The following PRLR variants were observed in gnomAD, a reference collection of about 807,000 sequenced individuals.
PRLR encodes the protein hPRL receptor.
Under a neutral mutation model 40.2 loss-of-function variants are expected in PRLR, and 13 were observed. That is an observed-to-expected ratio of 0.32 (90% CI 0.21 to 0.51). The LOEUF is 0.51. PRLR is among the 20% of genes least tolerant of loss of function. PRLR has a pLI of 0.97. For synonymous variants in PRLR, 269 were observed against 278.7 expected, an observed-to-expected ratio of 0.97 and a Z score of 0.35; for missense variants, 656 against 747.3, an observed-to-expected ratio of 0.88 and a Z score of 1.42.
At chr5:35,151,696 A>G (rs1561335731) in intron 1 of PRLR, among the ~76,000 whole-genome samples, 1 of 152,216 alleles carries the variant, frequency 6.6e-6, no homozygotes, top group Non-Finnish European at 1.5e-5. Context: ...GGGTTCATGT[A>G]TAGGTGCTTT....
At chr5:35,072,311 T>C (rs1383006354) in intron 6 of PRLR, among the ~76,000 whole-genome samples, 1 of 152,118 alleles carries the variant, frequency 6.6e-6, no homozygotes, top group African/African-American at 2.4e-5. Context: ...AGGGTCTAGA[T>C]CTAAAATGTA....
intron 2 of PRLR, among the ~76,000 whole-genome samples, chr5:35,098,246 C>T (rs1771657988): frequency 6.6e-6 from 1 of 152,116 alleles, no homozygotes; most frequent in African/African-American, 2.4e-5. Flanking sequence ...TCTTAGGTCT[C>T]CTTGCTTTTG....
chr5:35,091,014 G>A (rs945903404), intron 2 of PRLR, among the ~76,000 whole-genome samples: 46 of 151,766 alleles, frequency 3.0e-4, no homozygotes, highest in African/African-American at 9.2e-4. Flanking sequence ...GGGTTTCACC[G>A]TGTTAGCCAG....
intron 1 of PRLR, among the ~76,000 whole-genome samples, chr5:35,207,285 CTT>C (rs998328970): frequency 8.6e-5 from 13 of 151,832 alleles, no homozygotes; most frequent in Non-Finnish European, 1.6e-4. Flanking sequence ...ACTATGAACA[CTT>C]ATAATTAATT....
chr5:35,054,113 T>C (rs1768608496), downstream of PRLR, among the ~76,000 whole-genome samples: 1 of 152,242 alleles, frequency 6.6e-6, no homozygotes. Context: ...CAATGCATCA[T>C]TTTATGCTCA....
At position 35,120,313 on chromosome 5, in the gene PRLR, C is replaced by A. The variant is rs529263554; in HGVS notation, c.-105-2191G>T. The stretch of plus-strand genomic sequence containing the variant: ...CTTCTTTATGCAGATAGGGGGGTGA[C>A]AAATTCCCTTGTTCTTCTAACCCTA... On this transcript the variant is annotated intron_variant, in intron 1 of 9. Coordinates refer to ENST00000618457, the MANE Select transcript of PRLR (RefSeq NM_000949.7). Among the ~76,000 whole-genome samples the A allele has an allele frequency of 2.0e-5, 3 of 152,252 alleles. No individual in the cohort carries two copies. The South Asian group carries it at 6.2e-4, about 32-fold the overall frequency.
intron 1 of PRLR, among the ~76,000 whole-genome samples, chr5:35,161,480 G>A (rs1015652052): frequency 6.6e-6 from 1 of 152,134 alleles, no homozygotes; most frequent in Non-Finnish European, 1.5e-5. Context: ...TGTTTTATGA[G>A]GCATCCTGAT....
At chr5:35,192,227 G>A (rs115487406) in intron 1 of PRLR, among the ~76,000 whole-genome samples, 4,198 of 152,228 alleles carry the variant, frequency 0.028, 83 homozygotes, top group Middle Eastern at 0.044. Context: ...ATGAGTGAAC[G>A]AATGACACAT....
At chr5:35,160,973 C>G (rs1225378310) in intron 1 of PRLR, among the ~76,000 whole-genome samples, 1 of 152,220 alleles carries the variant, frequency 6.6e-6, no homozygotes, top group Non-Finnish European at 1.5e-5. Flanking sequence ...GTCAGTTAAA[C>G]TCTTTACTGC....
intron 1 of PRLR, among the ~76,000 whole-genome samples, chr5:35,142,345 G>T (rs1345374422): frequency 6.6e-6 from 1 of 152,150 alleles, no homozygotes; most frequent in Non-Finnish European, 1.5e-5. Context: ...ATCACCTGGC[G>T]ATTTTAGATG....
In PRLR at chr5:35,065,587, A is replaced by G. The variant is rs1035195318; in HGVS notation, c.1371T>C (p.Asp457=). The G allele has an allele frequency of 2.5e-6, 4 of 1,613,968 alleles. No individual in the cohort carries two copies. In the East Asian group the frequency reaches 6.7e-5, roughly 27 times the overall value. ...PATLLNEAGK[D]ALKSSQTIKS... ...TAATGGTTTGAGAGGATTTTAAAGC[A>G]TCTTTACCTGCTTCATTCAACAGAG... The change falls in exon 10 of 10, where the codon GAT becomes GAC. Residue 457 remains aspartate (D), a synonymous_variant. Transcript: ENST00000618457.
intron 5 of PRLR, among the ~76,000 whole-genome samples, chr5:35,076,202 G>A (rs542559574): frequency 1.3e-3 from 193 of 152,348 alleles, no homozygotes; most frequent in African/African-American, 4.5e-3. Context: ...ACTTTGACGA[G>A]CTGAGAGAAG....
intron 2 of PRLR, among the ~76,000 whole-genome samples, chr5:35,103,986 G>A (rs1477727477): frequency 1.3e-5 from 2 of 152,050 alleles, no homozygotes; most frequent in African/African-American, 4.8e-5. Flanking sequence ...CATGTGCCCA[G>A]GCGAACAGAG....
chr5:35,120,665 C>G (rs1773257894), intron 1 of PRLR, among the ~76,000 whole-genome samples: 2 of 152,136 alleles, frequency 1.3e-5, no homozygotes. Context: ...GATCTCTGGT[C>G]ACATTATTTG....
chr5:35,073,276 C>T (rs1426561477), intron 5 of PRLR, among the ~76,000 whole-genome samples: 1 of 152,186 alleles, frequency 6.6e-6, no homozygotes, highest in Non-Finnish European at 1.5e-5. Flanking sequence ...ACATATTACA[C>T]CCTGTGGTAA....
downstream of PRLR, among the ~76,000 whole-genome samples, chr5:35,054,410 A>G (rs1561246075): frequency 6.8e-6 from 1 of 146,440 alleles, no homozygotes; most frequent in Non-Finnish European, 1.5e-5. Flanking sequence ...GTTGCTAAAT[A>G]GGGGGATTAA....
intron 1 of PRLR, among the ~76,000 whole-genome samples, chr5:35,226,455 T>C (rs1309729610): frequency 3.3e-5 from 5 of 152,222 alleles, no homozygotes; most frequent in East Asian, 1.9e-4. Flanking sequence ...AAACAGAGTA[T>C]ACAGCACAGC....
chr5:35,221,743 G>A (rs1185968682), intron 1 of PRLR, among the ~76,000 whole-genome samples: 1 of 152,198 alleles, frequency 6.6e-6, no homozygotes, highest in East Asian at 1.9e-4. Context: ...TCAGTGTGGA[G>A]CAACACTGTT....
chr5:35,178,851 TTCTA>T (rs1333426753), intron 1 of PRLR, among the ~76,000 whole-genome samples: 1 of 152,204 alleles, frequency 6.6e-6, no homozygotes, highest in African/African-American at 2.4e-5. Context: ...GTCCTGGAAA[TTCTA>T]TCTGTGTAAA....
Sources: allele counts gnomAD v4.1 joint callset (sites outside exome capture counted in the v4.1 genomes callset), GRCh38; gene constraint gnomAD v4.1.1; transcripts MANE v1.5; gene names NCBI Gene and HGNC (gene_info 2026-07-23, HGNC 2026-07-21).